The following XKR8 variants were observed in gnomAD, a reference collection of about 807,000 sequenced individuals.
XKR8 encodes XK related 8.
In XKR8, 10 loss-of-function variants were observed where a neutral mutation model predicts 17.1. That is an observed-to-expected ratio of 0.59 (90% CI 0.36 to 0.99). The LOEUF is 0.99. Among genes scored for constraint, XKR8 ranks in the 50% least tolerant of loss-of-function variants. XKR8 has a pLI of 0.01. For synonymous variants in XKR8, 213 were observed against 251.9 expected, an observed-to-expected ratio of 0.85 and a Z score of 1.46; for missense variants, 411 against 515.6, an observed-to-expected ratio of 0.80 and a Z score of 1.96.
chr1:27,964,810 C>T (rs72656535), intron 2 of XKR8, among the ~76,000 whole-genome samples: 10,130 of 152,110 alleles, frequency 0.067, 493 homozygotes, highest in African/African-American at 0.14. Context: ...AGAGGGCCCC[C>T]ACTCACATCC....
rs1288870082 is a variant in XKR8, at chr1:27,965,078, TAC to T, written c.490+1387_490+1388del. Among the ~76,000 whole-genome samples the T allele has an allele frequency of 6.6e-6, 1 of 152,200 alleles. No homozygotes were observed. The highest frequency in any genetic ancestry group is 1.5e-5 in the Non-Finnish European group (1 of 68,042). On this transcript the variant is annotated intron_variant, in intron 2 of 2. Transcript: ENST00000373884. The surrounding 1 kb of genome is among the most constrained non-coding windows in gnomAD (Gnocchi z 4.1). Reference sequence around the variant, plus strand: ...TTAGCCAGGCCCTGTGGGAAGCACTTACAGTCATCATTGCTCATGTTCACAGC... The same window carrying T: ...TTAGCCAGGCCCTGTGGGAAGCACTTAGTCATCATTGCTCATGTTCACAGC...
At position 27,960,359 on chromosome 1, in the gene XKR8, A is replaced by G. The variant is rs1372090429; in HGVS notation, c.290A>G (p.Tyr97Cys). Residue 97 changes from tyrosine to cysteine, a missense_variant, in exon 1 of 3, where the codon TAC becomes TGC. Coordinates refer to ENST00000373884, the MANE Select transcript of XKR8 (RefSeq NM_018053.4). This position sits in a 1 kb window ranked among gnomAD's most constrained non-coding sequence, Gnocchi z 5.9. ...CATCTCCTGCAGCTGGGTTACCTGT[A>G]CAGGTGAGTGCTTCGCCCCGGGAGG... ...LLHLLQLGYL[Y>C]RCVQELRQGL... 1.2e-5 allele frequency: 17 copies of G among 1,389,412 alleles called. 1 individual carries two copies. The South Asian group carries it at 2.6e-4, about 21-fold the overall frequency. The allele number at this position is 1,389,412 out of a possible 1,614,324, so 86.1% of individuals were successfully genotyped here. A position where few individuals can be genotyped will look rare whatever the true frequency, so the allele number is the denominator to read the frequency against.
intron 1 of XKR8, among the ~76,000 whole-genome samples, chr1:27,961,042 C>T (rs544483428): frequency 6.6e-6 from 1 of 152,368 alleles, no homozygotes; most frequent in African/African-American, 2.4e-5. Flanking sequence ...CTGGGAGTTT[C>T]AGCAGCCCTG....
At position 27,966,989 on chromosome 1, in the gene XKR8, G is replaced by C. The variant is rs1375289197; in HGVS notation, c.977G>C (p.Cys326Ser). 6.2e-7 allele frequency: 1 copy of C among 1,614,058 alleles called. No homozygotes were observed. Among genetic ancestry groups the C allele is most frequent in the African/African-American group, 1.3e-5 (1 of 74,932 alleles). ...CTGTGGCTGCCTGTGGGATGCGGCTGCTTCTTTCTGGGCCTGGCTCTGCGG... is the reference window on the plus strand; with the variant it reads ...CTGTGGCTGCCTGTGGGATGCGGCTCCTTCTTTCTGGGCCTGGCTCTGCGG... ...LQLWLPVGCG[C>S]FFLGLALRLV... Residue 326 changes from cysteine (C) to serine (S), a missense_variant, in exon 3 of 3, where the codon TGC becomes TCC. Transcript: ENST00000373884. This position sits in a 1 kb window ranked among gnomAD's most constrained non-coding sequence, Gnocchi z 4.3.
rs1638454411 is a variant in XKR8 at position 27,960,718 on chromosome 1, A to AG, written c.293+358dup. ...CTCAGTTTCCTCCTGCGTAGAAAGGAGGTAGTCACCCTGAGACAGGTGTGA... is the reference window on the plus strand; with the variant it reads ...CTCAGTTTCCTCCTGCGTAGAAAGGAGGGTAGTCACCCTGAGACAGGTGTGA... On this transcript the variant is annotated intron_variant, in intron 1 of 2. Transcript: ENST00000373884. The surrounding 1 kb of genome is among the most constrained non-coding windows in gnomAD (Gnocchi z 5.9). Among the ~76,000 whole-genome samples, 1 of 152,146 alleles carries AG rather than the reference A, an allele frequency of 6.6e-6. No homozygotes were observed. Among genetic ancestry groups the AG allele is most frequent in the African/African-American group, 2.4e-5 (1 of 41,434 alleles).
In XKR8 at chr1:27,966,676, T is replaced by G. The variant is rs752959350; in HGVS notation, c.664T>G (p.Ser222Ala). ...WPRVLAVALF[S>A]ALFPSYVALH... ...CCGAGTCCTGGCTGTGGCCCTGTTC[T>G]CAGCCCTCTTCCCCAGCTATGTGGC... is the stretch of plus-strand genomic sequence containing the variant. The change falls in exon 3 of 3, where the codon TCA becomes GCA. Residue 222 changes from serine (S) to alanine (A), a missense_variant. By Grantham distance (99) the Ser-to-Ala change is moderately conservative. Transcript: ENST00000373884. This position sits in a 1 kb window ranked among gnomAD's most constrained non-coding sequence, Gnocchi z 4.3. 1.2e-6 allele frequency: 2 copies of G among 1,614,128 alleles called. No individual in the cohort carries two copies. The highest frequency in any genetic ancestry group is 1.7e-6 in the Non-Finnish European group (2 of 1,180,014).
rs1245683747 is a variant in XKR8 at position 27,966,570 on chromosome 1, C to T, written c.558C>T (p.Arg186=). 1.9e-6 allele frequency: 3 copies of T among 1,614,026 alleles called. No individual in the cohort carries two copies. Among genetic ancestry groups the T allele is most frequent in the African/African-American group, 2.7e-5 (2 of 74,916 alleles). The change falls in exon 3 of 3, where the codon CGC becomes CGT. Residue 186 remains arginine (R), a synonymous_variant. Transcript: ENST00000373884. The surrounding 1 kb of genome is among the most constrained non-coding windows in gnomAD (Gnocchi z 4.3). ...WALLDYHRAL[R]TCLPSKPLLG... ...TGCTCGACTACCACCGGGCCTTGCG[C>T]ACCTGCCTCCCCTCCAAGCCGCTCC...
Position 27,967,191 on chromosome 1 carries a change from G to T in XKR8, c.1179G>T (p.Val393=). 6.5e-7 allele frequency: 1 copy of T among 1,550,254 alleles called. No homozygotes were observed. Among genetic ancestry groups the T allele is most frequent in the Non-Finnish European group, 8.7e-7 (1 of 1,146,304 alleles). ...PKAKDEAASP[V]KG ...CTAAGGATGAGGCTGCTTCGCCAGTGAAGGGATAGGTGAACGGCGTCCTTT... is the reference window on the plus strand; with the variant it reads ...CTAAGGATGAGGCTGCTTCGCCAGTTAAGGGATAGGTGAACGGCGTCCTTT... The change falls in exon 3 of 3, where the codon GTG becomes GTT. Residue 393 remains valine, a synonymous_variant. Coordinates refer to ENST00000373884, the MANE Select transcript of XKR8 (RefSeq NM_018053.4). This position sits in a 1 kb window ranked among gnomAD's most constrained non-coding sequence, Gnocchi z 4.3.
chr1:27,965,339 G>C lies in XKR8; in HGVS notation c.491-1164G>C, dbSNP rs1638548305. 6.6e-6 allele frequency among the ~76,000 whole-genome samples: 1 copy of C among 152,170 alleles called. No homozygotes were observed. The highest frequency in any genetic ancestry group is 1.5e-5 in the Non-Finnish European group (1 of 68,034). ...TTTAGCAAACATCTCTTTCGCTGCT[G>C]TTATGTGCCAGGTACTGGGCTGCTG... On this transcript the variant is annotated intron_variant, in intron 2 of 2. Transcript: ENST00000373884. The surrounding 1 kb of genome is among the most constrained non-coding windows in gnomAD (Gnocchi z 4.1).
chr1:27,964,101 C>T (rs1213753037), intron 2 of XKR8: 1 of 156,496 alleles, frequency 6.4e-6, no homozygotes, highest in Non-Finnish European at 1.4e-5. Flanking sequence ...CCTCCTGTCT[C>T]AGCCTCCTGA....
At position 27,966,634 on chromosome 1, in the gene XKR8, C is replaced by A; in HGVS notation, c.622C>A (p.Leu208Met). 1 of 1,614,100 alleles carries A rather than the reference C, an allele frequency of 6.2e-7. No individual in the cohort carries two copies. Among genetic ancestry groups the A allele is most frequent in the Non-Finnish European group, 8.5e-7 (1 of 1,180,008 alleles). ...GSSVIYFLWN[L>M]LLLWPRVLAV... Reference sequence around the variant, plus strand: ...CTCCGTGATCTACTTCCTGTGGAACCTGCTGCTGCTGTGGCCCCGAGTCCT... The same window carrying A: ...CTCCGTGATCTACTTCCTGTGGAACATGCTGCTGCTGTGGCCCCGAGTCCT... Residue 208 changes from leucine to methionine, a missense_variant, in exon 3 of 3, where the codon CTG becomes ATG. Transcript: ENST00000373884. This position sits in a 1 kb window ranked among gnomAD's most constrained non-coding sequence, Gnocchi z 4.3.
rs544178656 is a variant in XKR8, at chr1:27,965,748, G to A, written c.491-755G>A. 1.9e-4 allele frequency among the ~76,000 whole-genome samples: 29 copies of A among 152,318 alleles called. No individual in the cohort carries two copies. The highest frequency in any genetic ancestry group is 6.7e-4 in the African/African-American group (28 of 41,572). On this transcript the variant is annotated intron_variant, in intron 2 of 2. Transcript: ENST00000373884. The surrounding 1 kb of genome is among the most constrained non-coding windows in gnomAD (Gnocchi z 4.1). ...GGAGTGGGTTCTGGGCGCCTAATAG[G>A]TTCCCAGTAAACATCTGTCGAATGA...
Position 27,966,291 on chromosome 1 carries a change from G to T in XKR8, c.491-212G>T, listed in dbSNP as rs1446185003. Among the ~76,000 whole-genome samples, 1 of 152,174 alleles carries T rather than the reference G, an allele frequency of 6.6e-6. No homozygotes were observed. Among genetic ancestry groups the T allele is most frequent in the Non-Finnish European group, 1.5e-5 (1 of 68,038 alleles). ...AGCACCTACGCAGCAAAGCGCTGTG[G>T]TGAGGGGCAGGCTCTATATTAGGAG... On this transcript the variant is annotated intron_variant, in intron 2 of 2. Coordinates refer to ENST00000373884, the MANE Select transcript of XKR8 (RefSeq NM_018053.4). The surrounding 1 kb of genome is among the most constrained non-coding windows in gnomAD (Gnocchi z 4.3).
chr1:27,967,110 T>C lies in XKR8; in HGVS notation c.1098T>C (p.Tyr366=). The part of the protein sequence containing the change: ...GARSLLSPEG[Y]QLPQNRRMTH... ...GGAGTCTGCTTTCTCCAGAGGGGTA[T>C]CAGCTGCCTCAGAACAGGCGCATGA... Residue 366 remains tyrosine (Y), a synonymous_variant, in exon 3 of 3, where the codon TAT becomes TAC. Transcript: ENST00000373884. The surrounding 1 kb of genome is among the most constrained non-coding windows in gnomAD (Gnocchi z 4.3). The C allele has an allele frequency of 1.2e-6, 2 of 1,613,342 alleles. No homozygotes were observed. Among genetic ancestry groups the C allele is most frequent in the Non-Finnish European group, 1.7e-6 (2 of 1,179,484 alleles).
chr1:27,966,558 C>T lies in XKR8; in HGVS notation c.546C>T (p.His182=). 7 of 1,614,110 alleles carry T rather than the reference C, an allele frequency of 4.3e-6. No homozygotes were observed. Among genetic ancestry groups the T allele is most frequent in the Non-Finnish European group, 5.9e-6 (7 of 1,180,000 alleles). The change falls in exon 3 of 3, where the codon CAC becomes CAT. Residue 182 remains histidine (H), a synonymous_variant. Coordinates refer to ENST00000373884, the MANE Select transcript of XKR8 (RefSeq NM_018053.4). The surrounding 1 kb of genome is among the most constrained non-coding windows in gnomAD (Gnocchi z 4.3). Reference sequence around the variant, plus strand: ...TCTCGTGGGCACTGCTCGACTACCACCGGGCCTTGCGCACCTGCCTCCCCT... The same window carrying T: ...TCTCGTGGGCACTGCTCGACTACCATCGGGCCTTGCGCACCTGCCTCCCCT... ...LGISWALLDY[H]RALRTCLPSK... is the part of the protein sequence containing the mutation.
In XKR8 at chr1:27,966,430, C is replaced by G. The variant is rs185892541; in HGVS notation, c.491-73C>G. On this transcript the variant is annotated intron_variant, in intron 2 of 2. Transcript: ENST00000373884. The surrounding 1 kb of genome is among the most constrained non-coding windows in gnomAD (Gnocchi z 4.3). ...CCCAGGGTTGCTGGGAGGGCCCCCACGGTACCTGTGACCGCTGGGGAGTGC... is the reference window on the plus strand; with the variant it reads ...CCCAGGGTTGCTGGGAGGGCCCCCAGGGTACCTGTGACCGCTGGGGAGTGC... 2.0e-6 allele frequency: 3 copies of G among 1,464,012 alleles called. No homozygotes were observed. Among genetic ancestry groups the G allele is most frequent in the Non-Finnish European group, 2.8e-6 (3 of 1,073,758 alleles). 90.7% of individuals were successfully genotyped at this position (1,464,012 alleles called of 1,614,324 possible). A position where few individuals can be genotyped will look rare whatever the true frequency, so the allele number is the denominator to read the frequency against.
At chr1:27,963,171 GCAC>G (rs1342541904) in intron 1 of XKR8, among the ~76,000 whole-genome samples, 1 of 152,016 alleles carries the variant, frequency 6.6e-6, no homozygotes, top group African/African-American at 2.4e-5. Flanking sequence ...CTACAGGCGC[GCAC>G]CACCACACCC....
rs1222508973 is a variant in XKR8, at chr1:27,965,112, G to A, written c.491-1391G>A. ...CATTGCTCATGTTCACAGCAGCCCT[G>A]TAGGTTTGTGCTATATTGATCTTCA... On this transcript the variant is annotated intron_variant, in intron 2 of 2. Transcript: ENST00000373884. The surrounding 1 kb of genome is among the most constrained non-coding windows in gnomAD (Gnocchi z 4.1). Among the ~76,000 whole-genome samples the A allele has an allele frequency of 6.6e-6, 1 of 152,204 alleles. No homozygotes were observed.
intron 1 of XKR8, among the ~76,000 whole-genome samples, chr1:27,962,816 C>T (rs1455148482): frequency 3.9e-5 from 6 of 152,036 alleles, no homozygotes; most frequent in Non-Finnish European, 8.8e-5. Context: ...TGGTCTCAAA[C>T]TCCTGGCCTC....
Sources: gnomAD v4.1 joint callset for allele counts (sites outside exome capture counted in the v4.1 genomes callset) on GRCh38, gnomAD v4.1.1 for gene constraint, Gnocchi (gnomAD v3.1) non-coding constraint, MANE v1.5 for transcripts, NCBI Gene and HGNC (gene_info 2026-07-23, HGNC 2026-07-21) for gene names.